The following SLC14A2 variants were observed in gnomAD, a reference collection of about 807,000 sequenced individuals.
SLC14A2 encodes the protein solute carrier family 14 member 2.
A neutral mutation model predicts 104.6 loss-of-function variants in SLC14A2; 91 were observed. The ratio of observed to expected loss-of-function variants is 0.87; its 90% CI spans 0.73 to 1.04. The LOEUF (loss-of-function observed/expected upper bound fraction) is 1.04. Ranked by LOEUF, SLC14A2 falls within the 50% of genes least tolerant of loss-of-function variation. The pLI, the probability that SLC14A2 is intolerant of heterozygous loss-of-function variation, is 0.00. For synonymous variants in SLC14A2, 476 were observed against 466.4 expected (o/e 1.02, Z -0.27); for missense variants, 1,189 against 1,156.0 (o/e 1.03, Z -0.41).
chr18:45,391,470 T>C lies in SLC14A2; in HGVS notation c.-124-91763T>C, dbSNP rs529153151. 1.9e-3 allele frequency among the ~76,000 whole-genome samples: 283 copies of C among 152,330 alleles called. 1 individual carries two copies. Among genetic ancestry groups the C allele is most frequent in the African/African-American group, 6.6e-3 (276 of 41,570 alleles). On this transcript the variant is annotated intron_variant, in intron 1 of 20. Transcript: ENST00000586448. ...ATGGGATGGCTGGGTCAAATGGTAT[T>C]TCTAGTTCTAGATCCCTGAGGAATC...
chr18:45,367,998 T>TG (rs1187482195), intron 1 of SLC14A2, among the ~76,000 whole-genome samples: 1 of 152,158 alleles, frequency 6.6e-6, no homozygotes, highest in East Asian at 1.9e-4. Context: ...AACATCTGGG[T>TG]GGCTGTGATC....
intron 1 of SLC14A2, among the ~76,000 whole-genome samples, chr18:45,403,071 C>T (rs983917401): frequency 6.6e-6 from 1 of 152,184 alleles, no homozygotes; most frequent in African/African-American, 2.4e-5. Flanking sequence ...TCTCACAGTT[C>T]TGAGGCTGGA....
At chr18:45,678,077 C>T (rs1257884377) in intron 18 of SLC14A2, among the ~76,000 whole-genome samples, 1 of 152,138 alleles carries the variant, frequency 6.6e-6, no homozygotes, top group Non-Finnish European at 1.5e-5. Context: ...TCTCAGCCTC[C>T]CAAAGTGCTG....
At position 45,287,957 on chromosome 18, in the gene SLC14A2, G is replaced by A. The variant is rs16978331; in HGVS notation, c.-125+74766G>A. 4.7e-3 allele frequency among the ~76,000 whole-genome samples: 712 copies of A among 152,284 alleles called. 14 individuals carry two copies. The East Asian group carries it at 0.049, about 10-fold the overall frequency. On this transcript the variant is annotated intron_variant, in intron 1 of 20. Coordinates refer to the SLC14A2 transcript ENST00000586448. ...TGCCATCCTAAGAGCAGAGTAACTC[G>A]CCTGCAGTCCTAGCTCCTTTTGTCT... is the stretch of plus-strand genomic sequence containing the variant.
intron 2 of SLC14A2, among the ~76,000 whole-genome samples, chr18:45,574,844 T>C (rs1224340439): frequency 6.6e-6 from 1 of 152,136 alleles, no homozygotes; most frequent in Non-Finnish European, 1.5e-5. Context: ...CATCCTACAT[T>C]TTATGAGACC....
chr18:45,401,713 A>G (rs942144769), intron 1 of SLC14A2, among the ~76,000 whole-genome samples: 6 of 152,342 alleles, frequency 3.9e-5, no homozygotes, highest in Non-Finnish European at 2.9e-5. Flanking sequence ...TAGTAGGGAT[A>G]CTTATACAGA....
intron 18 of SLC14A2, among the ~76,000 whole-genome samples, chr18:45,677,970 C>T (rs1599170880): frequency 6.6e-6 from 1 of 152,176 alleles, no homozygotes; most frequent in East Asian, 1.9e-4. Context: ...AGGCACATGC[C>T]ACCACACCCA....
At chr18:45,547,846 AG>A (rs1476508145) in intron 2 of SLC14A2, among the ~76,000 whole-genome samples, 1 of 152,218 alleles carries the variant, frequency 6.6e-6, no homozygotes, top group Admixed American at 6.5e-5. Context: ...GGAGAACAGA[AG>A]GGCTGCACAG....
intron 1 of SLC14A2, among the ~76,000 whole-genome samples, chr18:45,428,475 G>C (rs1427734630): frequency 6.6e-6 from 1 of 152,126 alleles, no homozygotes; most frequent in Non-Finnish European, 1.5e-5. Flanking sequence ...AGGAGAGAGG[G>C]TGCTAACATG....
chr18:45,492,505 A>G (rs879593024), intron 2 of SLC14A2, among the ~76,000 whole-genome samples: 1 of 152,108 alleles, frequency 6.6e-6, no homozygotes, highest in Non-Finnish European at 1.5e-5. Flanking sequence ...ATGAGAATTC[A>G]CTATCACGAA....
Position 45,663,789 on chromosome 18 carries a change from C to T in SLC14A2, c.1356C>T (p.Gly452=), listed in dbSNP as rs367816000. ...TCTTGTTTTGCCCCTGGCTAGGAGG[C>T]GGTGGGGAGCATCCACCCACAGCAG... is the stretch of plus-strand genomic sequence containing the variant. ...SGEEEKAPSG[G]GGEHPPTAGP... Residue 452 remains glycine, a synonymous_variant, in exon 11 of 20, where the codon GGC becomes GGT. Coordinates refer to ENST00000255226, the MANE Select transcript of SLC14A2 (RefSeq NM_007163.4). 3.1e-6 allele frequency: 5 copies of T among 1,611,774 alleles called. No homozygotes were observed. Among genetic ancestry groups the T allele is most frequent in the East Asian group, 2.2e-5 (1 of 44,850 alleles).
chr18:45,399,716 T>C (rs1184232082), intron 1 of SLC14A2, among the ~76,000 whole-genome samples: 1 of 152,162 alleles, frequency 6.6e-6, no homozygotes. Context: ...CTTTCTTCTA[T>C]TTGCTGCCAC....
intron 1 of SLC14A2, among the ~76,000 whole-genome samples, chr18:45,256,282 A>G (rs1012484423): frequency 2.0e-5 from 3 of 152,368 alleles, no homozygotes; most frequent in Non-Finnish European, 4.4e-5. Flanking sequence ...TGGCTGCTAC[A>G]GAAGAATGAG....
chr18:45,351,509 C>T (rs2085503633), intron 1 of SLC14A2, among the ~76,000 whole-genome samples: 4 of 152,076 alleles, frequency 2.6e-5, no homozygotes, highest in Admixed American at 2.0e-4. Flanking sequence ...CATGTACCAC[C>T]ACACCCAGCT....
chr18:45,180,310 C>T, the SLC14A2 span, among the ~76,000 whole-genome samples: 4 of 152,256 alleles, frequency 2.6e-5, no homozygotes, highest in Admixed American at 2.0e-4. Flanking sequence ...AATATTAGCA[C>T]TCATCTCATA....
At chr18:45,481,400 C>T (rs761916516) in intron 1 of SLC14A2, among the ~76,000 whole-genome samples, 29 of 151,988 alleles carry the variant, frequency 1.9e-4, no homozygotes, top group Admixed American at 3.3e-4. Context: ...TTGAAAGTGC[C>T]GCAAATTACT....
chr18:45,418,558 G>A (rs148902844), intron 1 of SLC14A2, among the ~76,000 whole-genome samples: 113 of 152,284 alleles, frequency 7.4e-4, no homozygotes, highest in Admixed American at 1.6e-3. Flanking sequence ...TCCATGAGTC[G>A]TCAGTAGAGA....
intron 10 of SLC14A2, among the ~76,000 whole-genome samples, chr18:45,655,295 A>G (rs1178638531): frequency 6.6e-6 from 1 of 152,232 alleles, no homozygotes; most frequent in East Asian, 1.9e-4. Context: ...CTTGTAAAGT[A>G]TGTGATATCC....
chr18:45,335,997 C>A (rs149945169), intron 1 of SLC14A2, among the ~76,000 whole-genome samples: 1,992 of 152,248 alleles, frequency 0.013, 45 homozygotes, highest in African/African-American at 0.046. Flanking sequence ...GCCTCCTTCT[C>A]GCCAAGCTGG....
Sources: gnomAD v4.1 joint callset for allele counts (sites outside exome capture counted in the v4.1 genomes callset) on GRCh38, gnomAD v4.1.1 for gene constraint, MANE v1.5 for transcripts, NCBI Gene and HGNC (gene_info 2026-07-23, HGNC 2026-07-21) for gene names.